The following PLAA variants were observed in gnomAD, a reference collection of about 807,000 sequenced individuals.
PLAA encodes phospholipase A2 activating protein.
A neutral mutation model predicts 84.1 loss-of-function variants in PLAA; 48 were observed. The ratio of observed to expected loss-of-function variants is 0.57; its 90% confidence interval spans 0.45 to 0.73. The LOEUF is 0.73. Ranked by LOEUF, PLAA falls within the 30% of genes least tolerant of loss-of-function variation. The pLI, the probability that PLAA is intolerant of heterozygous loss-of-function variation, is 0.00. For missense variants in PLAA, 903 were observed against 954.7 expected (o/e 0.95, Z 0.71); for synonymous variants, 392 against 336.6 (o/e 1.16, Z -1.80).
chr9:26,935,694 G>A (rs1302832303), intron 1 of PLAA, among the ~76,000 whole-genome samples: 1 of 151,870 alleles, frequency 6.6e-6, no homozygotes, highest in Non-Finnish European at 1.5e-5. Context: ...CTAGAACAGG[G>A]GTGTCAAATC....
chr9:26,934,982 T>A (rs370266457), intron 2 of PLAA, 31 bp downstream of exon 2: 2 of 1,443,476 alleles, frequency 1.4e-6, no homozygotes, highest in Non-Finnish European at 1.9e-6. Context: ...AAACTTCAAA[T>A]AGAAAAACAC....
At chr9:26,943,154 G>C (rs1344573284) in intron 1 of PLAA, among the ~76,000 whole-genome samples, 1 of 152,098 alleles carries the variant, frequency 6.6e-6, no homozygotes, top group Non-Finnish European at 1.5e-5. Flanking sequence ...ACAGACTTGG[G>C]AAATGTAATT....
intron 13 of PLAA, among the ~76,000 whole-genome samples, chr9:26,907,380 T>G (rs1411563923): frequency 6.6e-6 from 1 of 150,546 alleles, no homozygotes; most frequent in Non-Finnish European, 1.5e-5. Context: ...ATACAAAAAA[T>G]TAGCCGGGCA....
chr9:26,920,184 A>G (rs747839068), intron 8 of PLAA, 43 bp downstream of exon 8: 1 of 1,534,058 alleles, frequency 6.5e-7, no homozygotes, highest in Non-Finnish European at 9.0e-7. Context: ...TAATTTGCCT[A>G]ATATTTAAGA....
intron 12 of PLAA, among the ~76,000 whole-genome samples, chr9:26,909,825 T>C (rs1587149415): frequency 6.6e-6 from 1 of 152,214 alleles, no homozygotes; most frequent in South Asian, 2.1e-4. Flanking sequence ...GGTTTCACCA[T>C]GTTAGCCAGG....
intron 1 of PLAA, among the ~76,000 whole-genome samples, chr9:26,941,453 C>A (rs938598930): frequency 2.6e-5 from 4 of 152,144 alleles, no homozygotes; most frequent in Admixed American, 2.6e-4. Context: ...GTAAAACTCA[C>A]AACCAGCAAG....
At chr9:26,920,797 A>G (rs1439857308) in intron 7 of PLAA, among the ~76,000 whole-genome samples, 2 of 152,146 alleles carry the variant, frequency 1.3e-5, no homozygotes, top group African/African-American at 4.8e-5. Context: ...AGCTACTGCT[A>G]TCAGCTCATT....
At chr9:26,930,362 C>A (rs1474115708) in intron 2 of PLAA, among the ~76,000 whole-genome samples, 1 of 152,128 alleles carries the variant, frequency 6.6e-6, no homozygotes, top group African/African-American at 2.4e-5. Flanking sequence ...CCTTGGCCTC[C>A]CAAGTGCTGG....
At chr9:26,920,123 T>G (rs1429674359) in intron 8 of PLAA, 104 bp downstream of exon 8, 1 of 881,360 alleles carries the variant, frequency 1.1e-6, no homozygotes, top group Non-Finnish European at 1.7e-6. Flanking sequence ...TAATGGATTT[T>G]TAAATGTCAA....
Position 26,926,503 on chromosome 9 carries a change from C to T in PLAA, c.623G>A (p.Cys208Tyr). 1 of 1,613,460 alleles carries T rather than the reference C, an allele frequency of 6.2e-7. No homozygotes were observed. Among genetic ancestry groups the T allele is most frequent in the Non-Finnish European group, 8.5e-7 (1 of 1,179,584 alleles). Reference protein sequence around the residue: ...AILSETEFLSCANDASIRRWQ... With the variant: ...AILSETEFLSYANDASIRRWQ... ...CCTTCTAATACTAGCATCATTTGCA[C>T]AGGAAAGAAATTCTGTTTCACTCAA... is the stretch of plus-strand genomic sequence containing the variant. The change falls in exon 5 of 14, where the codon TGT (cysteine) becomes TAT (tyrosine). Residue 208 changes from cysteine (C) to tyrosine (Y), a missense_variant. By Grantham distance (194) the Cys-to-Tyr change is radical. Coordinates refer to ENST00000397292, the MANE Select transcript of PLAA (RefSeq NM_001031689.3).
At chr9:26,914,285 A>C (rs1824485894) in intron 10 of PLAA, among the ~76,000 whole-genome samples, 1 of 152,220 alleles carries the variant, frequency 6.6e-6, no homozygotes, top group African/African-American at 2.4e-5. Flanking sequence ...ACTAGCACAT[A>C]AGACAATTGG....
chr9:26,937,963 A>G (rs1268123527), intron 1 of PLAA, among the ~76,000 whole-genome samples: 1 of 152,180 alleles, frequency 6.6e-6, no homozygotes. Context: ...GAGAGGGGAA[A>G]GGGAGCAGAG....
chr9:26,929,389 G>C (rs138830403), intron 2 of PLAA, among the ~76,000 whole-genome samples: 4 of 152,054 alleles, frequency 2.6e-5, no homozygotes, highest in East Asian at 1.9e-4. Context: ...TAAGAGAATT[G>C]CTTGAGCATG....
intron 1 of PLAA, among the ~76,000 whole-genome samples, chr9:26,941,420 T>C (rs1825536718): frequency 1.3e-5 from 2 of 151,998 alleles, no homozygotes; most frequent in Admixed American, 1.3e-4. Context: ...CCCAATATAA[T>C]GGCCCTACCA....
intron 7 of PLAA, among the ~76,000 whole-genome samples, chr9:26,921,533 C>A (rs543813082): frequency 6.6e-6 from 1 of 152,324 alleles, no homozygotes; most frequent in Non-Finnish European, 1.5e-5. Context: ...AAAAGAAAAT[C>A]CAGCCTAACA....
At chr9:26,911,890 GA>G (rs1270470034) in intron 11 of PLAA, among the ~76,000 whole-genome samples, 2 of 152,108 alleles carry the variant, frequency 1.3e-5, no homozygotes, top group African/African-American at 4.8e-5. Context: ...AGATAAAGAC[GA>G]AACACTTAGT....
At chr9:26,929,314 G>A (rs1825091500) in intron 2 of PLAA, among the ~76,000 whole-genome samples, 1 of 152,174 alleles carries the variant, frequency 6.6e-6, no homozygotes, top group Non-Finnish European at 1.5e-5. Flanking sequence ...AATATAGTGA[G>A]ACTCCAGCTC....
chr9:26,920,088 GA>G (rs1824709513), intron 8 of PLAA, 138 bp downstream of exon 8: 8 of 626,234 alleles, frequency 1.3e-5, no homozygotes, highest in South Asian at 7.6e-5. Context: ...TCAAGACAGG[GA>G]AAAAAAAGAT....
rs201246904 is a variant in PLAA at position 26,926,528 on chromosome 9, A to C, written c.598T>G (p.Leu200Val). 6.2e-7 allele frequency: 1 copy of C among 1,613,684 alleles called. No homozygotes were observed. Among genetic ancestry groups the C allele is most frequent in the Non-Finnish European group, 8.5e-7 (1 of 1,179,736 alleles). The change falls in exon 5 of 14, where the codon TTG (leucine) becomes GTG (valine). Residue 200 changes from leucine (L) to valine (V), a missense_variant. Physicochemically the swap from Leu to Val is conservative, Grantham distance 32. Coordinates refer to ENST00000397292, the MANE Select transcript of PLAA (RefSeq NM_001031689.3). ...HEDCVRGLAILSETEFLSCAN... is the reference protein window; with the variant it reads ...HEDCVRGLAIVSETEFLSCAN... ...CAGGAAAGAAATTCTGTTTCACTCA[A>C]AATTGCCAAACCTCTTACACAGTCT... is the stretch of plus-strand genomic sequence containing the variant.
Sources: allele counts gnomAD v4.1 joint callset (sites outside exome capture counted in the v4.1 genomes callset), GRCh38; gene constraint gnomAD v4.1.1; transcripts MANE v1.5; gene names NCBI Gene and HGNC (gene_info 2026-07-23, HGNC 2026-07-21).